Variants in SPOP observed in about 807,000 individuals in gnomAD.
The protein encoded by SPOP is speckle-type POZ protein.
SPOP carries 11 observed loss-of-function variants against 45.6 expected under a neutral mutation model. That is an observed-to-expected ratio of 0.24 (90% CI 0.15 to 0.40). SPOP has a LOEUF of 0.40. Among genes scored for constraint, SPOP ranks in the 10% least tolerant of loss-of-function variants. SPOP has a pLI of 1.00. For synonymous variants in SPOP, 166 were observed against 166.3 expected (o/e 1.00, Z 0.01); for missense variants, 152 against 465.6 (o/e 0.33, Z 6.20).
At chr17:49,664,997 CTT>C (rs2073034653) in intron 1 of SPOP, among the ~76,000 whole-genome samples, 1 of 152,082 alleles carries the variant, frequency 6.6e-6, no homozygotes, top group Non-Finnish European at 1.5e-5. Flanking sequence ...ATCAGAAACT[CTT>C]TTATATGAAC....
chr17:49,622,409 G>T (rs891047967), intron 2 of SPOP: 2 of 516,980 alleles, frequency 3.9e-6, no homozygotes, highest in African/African-American at 3.8e-5. Flanking sequence ...TTAAAATGTT[G>T]ATGTCACTGC....
At chr17:49,618,145 G>T (rs1410846134) in intron 5 of SPOP, among the ~76,000 whole-genome samples, 7 of 152,186 alleles carry the variant, frequency 4.6e-5, no homozygotes, top group East Asian at 1.9e-4. Context: ...ATGATACACT[G>T]TTTATTATTA....
intron 1 of SPOP, among the ~76,000 whole-genome samples, chr17:49,638,461 C>T (rs1048320613): frequency 9.9e-5 from 15 of 151,958 alleles, no homozygotes; most frequent in African/African-American, 3.1e-4. Flanking sequence ...TGGTGGTGCA[C>T]GCCTGTAGTC....
intron 1 of SPOP, among the ~76,000 whole-genome samples, chr17:49,624,494 G>C (rs28558296): frequency 1.1e-3 from 173 of 151,892 alleles, no homozygotes; most frequent in African/African-American, 4.1e-3. Flanking sequence ...TTTGAGACAG[G>C]GTCTCACTTT....
chr17:49,634,573 T>C (rs2072510446), intron 1 of SPOP, among the ~76,000 whole-genome samples: 1 of 152,142 alleles, frequency 6.6e-6, no homozygotes, highest in South Asian at 2.1e-4. Flanking sequence ...AGTAAACAGA[T>C]GAAAAGGCTG....
At chr17:49,625,891 T>C (rs2072320780) in intron 1 of SPOP, among the ~76,000 whole-genome samples, 1 of 152,214 alleles carries the variant, frequency 6.6e-6, no homozygotes, top group East Asian at 1.9e-4. Context: ...TTATCTCTTG[T>C]GATTCTTTTA....
At chr17:49,627,162 T>G (rs992737233) in intron 1 of SPOP, among the ~76,000 whole-genome samples, 2 of 152,194 alleles carry the variant, frequency 1.3e-5, no homozygotes, top group Non-Finnish European at 2.9e-5. Flanking sequence ...AATTTACAAT[T>G]AAAGAATCTG....
At chr17:49,634,355 G>A (rs371103085) in intron 1 of SPOP, among the ~76,000 whole-genome samples, 1 of 152,190 alleles carries the variant, frequency 6.6e-6, no homozygotes, top group East Asian at 1.9e-4. Flanking sequence ...TATAAAAGAT[G>A]CCTCCTCTAG....
intron 1 of SPOP, among the ~76,000 whole-genome samples, chr17:49,655,435 C>G (rs1301123675): frequency 1.3e-5 from 2 of 151,598 alleles, no homozygotes; most frequent in East Asian, 3.9e-4. Flanking sequence ...GGCGTGAACC[C>G]GGGAGGCGGA....
At chr17:49,632,824 T>G (rs1044116037) in intron 1 of SPOP, among the ~76,000 whole-genome samples, 1 of 152,330 alleles carries the variant, frequency 6.6e-6, no homozygotes, top group South Asian at 2.1e-4. Flanking sequence ...GTGAGGGAAA[T>G]CCTTAGCATC....
chr17:49,671,744 G>A (rs1390337259), intron 1 of SPOP, among the ~76,000 whole-genome samples: 1 of 152,198 alleles, frequency 6.6e-6, no homozygotes, highest in African/African-American at 2.4e-5. Context: ...AGTGGCTCAT[G>A]CCTGTAATCC....
At chr17:49,668,999 A>T (rs894636020) in intron 1 of SPOP, among the ~76,000 whole-genome samples, 2 of 151,400 alleles carry the variant, frequency 1.3e-5, no homozygotes, top group African/African-American at 4.9e-5. Context: ...GGTGGTATCG[A>T]TCTCCTGACC....
At chr17:49,607,637 T>C (rs2071879240) in intron 7 of SPOP, among the ~76,000 whole-genome samples, 1 of 152,172 alleles carries the variant, frequency 6.6e-6, no homozygotes, top group African/African-American at 2.4e-5. Flanking sequence ...TAAAAACATA[T>C]ATGTCTAAAT....
intron 1 of SPOP, among the ~76,000 whole-genome samples, chr17:49,640,812 G>A (rs752746142): frequency 2.0e-4 from 30 of 152,098 alleles, no homozygotes; most frequent in Admixed American, 4.6e-4. Flanking sequence ...TCTTTGTTGT[G>A]ATTCCTCAGA....
chr17:49,626,878 A>G (rs1017285253), intron 1 of SPOP, among the ~76,000 whole-genome samples: 3 of 151,774 alleles, frequency 2.0e-5, no homozygotes, highest in African/African-American at 7.3e-5. Flanking sequence ...TTGAGACGGA[A>G]TCTTTCTCTG....
At chr17:49,672,771 A>AC (rs1350101887) in intron 1 of SPOP, among the ~76,000 whole-genome samples, 1 of 151,982 alleles carries the variant, frequency 6.6e-6, no homozygotes, top group East Asian at 1.9e-4. Flanking sequence ...ACATGGTGAA[A>AC]CCCCGTCTCT....
At chr17:49,666,939 G>A (rs1214059909) in intron 1 of SPOP, among the ~76,000 whole-genome samples, 3 of 152,066 alleles carry the variant, frequency 2.0e-5, no homozygotes. Context: ...AGTACTTTGG[G>A]AGGCCAAGGT....
chr17:49,643,797 G>A (rs1296830753), intron 1 of SPOP, among the ~76,000 whole-genome samples: 1 of 152,054 alleles, frequency 6.6e-6, no homozygotes, highest in African/African-American at 2.4e-5. Flanking sequence ...AGGCATAATG[G>A]CAGGTGCCTG....
chr17:49,657,982 T>G (rs1346626664), intron 1 of SPOP, among the ~76,000 whole-genome samples: 3 of 152,154 alleles, frequency 2.0e-5, no homozygotes, highest in African/African-American at 7.2e-5. Context: ...ATTACAGGCA[T>G]GAGCCACTTC....
Sources: allele counts gnomAD v4.1 joint callset (sites outside exome capture counted in the v4.1 genomes callset), GRCh38; gene constraint gnomAD v4.1.1; transcripts MANE v1.5; gene names NCBI Gene and HGNC (gene_info 2026-07-23, HGNC 2026-07-21).